LMO1: variants seen among roughly 807,000 people sequenced by gnomAD.
LMO1 encodes the protein LIM domain only 1, also known as rhombotin-1.
LMO1 carries 10 observed loss-of-function variants against 18.0 expected under a neutral mutation model. The ratio of observed to expected loss-of-function variants is 0.55; its 90% CI spans 0.34 to 0.94. The LOEUF (loss-of-function observed/expected upper bound fraction) is 0.94. Among genes scored for constraint, LMO1 ranks in the 40% least tolerant of loss-of-function variants. The pLI, the probability that LMO1 is intolerant of heterozygous loss-of-function variation, is 0.02. For missense variants in LMO1, 183 were observed against 205.7 expected (o/e 0.89, Z 0.68); for synonymous variants, 77 against 77.9 (o/e 0.99, Z 0.06).
intron 1 of LMO1, among the ~76,000 whole-genome samples, chr11:8,253,635 A>T (rs1005913662): frequency 2.6e-5 from 4 of 152,100 alleles, no homozygotes; most frequent in Non-Finnish European, 5.9e-5. Context: ...GGGGTTTTTA[A>T]AGATCGAGGG....
At chr11:8,261,410 T>C (rs1382045053) in intron 1 of LMO1, among the ~76,000 whole-genome samples, 1 of 152,158 alleles carries the variant, frequency 6.6e-6, no homozygotes, top group African/African-American at 2.4e-5. Flanking sequence ...CTGAAACCCT[T>C]TGTATTATCT....
chr11:8,264,237 C>CTT (rs55942662), upstream of LMO1, among the ~76,000 whole-genome samples: 1 of 152,018 alleles, frequency 6.6e-6, no homozygotes, highest in African/African-American at 2.4e-5. Flanking sequence ...ACGATCCTAC[C>CTT]GAGTCTTACA....
At chr11:8,255,970 C>T (rs1339472335) in intron 1 of LMO1, among the ~76,000 whole-genome samples, 1 of 151,704 alleles carries the variant, frequency 6.6e-6, no homozygotes, top group Non-Finnish European at 1.5e-5. Context: ...GGACTACAGG[C>T]GCCCGCCACC....
At chr11:8,254,119 G>A (rs1001281619) in intron 1 of LMO1, among the ~76,000 whole-genome samples, 2 of 152,110 alleles carry the variant, frequency 1.3e-5, no homozygotes, top group Non-Finnish European at 2.9e-5. Flanking sequence ...AAAAAAAAGT[G>A]GAAGGACTTA....
chr11:8,256,095 G>C (rs146740804), intron 1 of LMO1, among the ~76,000 whole-genome samples: 3,344 of 152,276 alleles, frequency 0.022, 128 homozygotes, highest in African/African-American at 0.075. Flanking sequence ...AAAGTGCTGG[G>C]ATTATAGGCG....
At chr11:8,236,019 G>T (rs1477021306) in intron 1 of LMO1, among the ~76,000 whole-genome samples, 1 of 152,166 alleles carries the variant, frequency 6.6e-6, no homozygotes, top group Non-Finnish European at 1.5e-5. Context: ...CCACCCAAAG[G>T]CCAGTCTAGT....
chr11:8,237,913 T>C (rs1952789771), intron 1 of LMO1, among the ~76,000 whole-genome samples: 4 of 152,244 alleles, frequency 2.6e-5, no homozygotes, highest in Admixed American at 2.6e-4. Context: ...ACTAACCTGC[T>C]AAATGAGGAC....
At chr11:8,240,294 G>A (rs974246812) in intron 1 of LMO1, among the ~76,000 whole-genome samples, 4 of 152,218 alleles carry the variant, frequency 2.6e-5, no homozygotes, top group Non-Finnish European at 5.9e-5. Context: ...TTTGCAGTGC[G>A]TTTTGGTGAA....
chr11:8,268,697 C>T (rs1847286659), upstream of LMO1: 2 of 263,928 alleles, frequency 7.6e-6, no homozygotes, highest in South Asian at 1.7e-4. Flanking sequence ...GGGAGCCTCG[C>T]GAGCAGCAGC....
chr11:8,245,224 T>A (rs141353729), intron 1 of LMO1, among the ~76,000 whole-genome samples: 110 of 152,278 alleles, frequency 7.2e-4, no homozygotes, highest in African/African-American at 2.3e-3. Flanking sequence ...CTTCAGAGCC[T>A]ACAACTGGCC....
intron 1 of LMO1, among the ~76,000 whole-genome samples, chr11:8,257,400 C>T (rs1296703325): frequency 2.0e-5 from 3 of 152,206 alleles, no homozygotes; most frequent in Non-Finnish European, 4.4e-5. Flanking sequence ...GTGAGTGTCC[C>T]TCAGCACCTT....
chr11:8,268,276 T>C (rs1847281244), upstream of LMO1: 1 of 531,106 alleles, frequency 1.9e-6, no homozygotes, highest in Non-Finnish European at 2.9e-6. Flanking sequence ...GCCGCCGCGC[T>C]TCCGGGAAGC....
chr11:8,235,229 A>G (rs890390510), intron 1 of LMO1, among the ~76,000 whole-genome samples: 5 of 152,164 alleles, frequency 3.3e-5, no homozygotes, highest in African/African-American at 1.2e-4. Flanking sequence ...CTTTCAGAAC[A>G]CTTGCAAGAA....
At chr11:8,236,708 C>A (rs766566695) in intron 1 of LMO1, among the ~76,000 whole-genome samples, 1 of 152,236 alleles carries the variant, frequency 6.6e-6, no homozygotes. Flanking sequence ...TGATCACACA[C>A]GTACACTAGG....
intron 1 of LMO1, among the ~76,000 whole-genome samples, chr11:8,246,532 G>A (rs1045159339): frequency 3.3e-5 from 5 of 152,244 alleles, no homozygotes; most frequent in Admixed American, 2.6e-4. Context: ...GCCAGGGAGG[G>A]AGGAATGGGG....
intron 2 of LMO1, among the ~76,000 whole-genome samples, chr11:8,229,924 T>C (rs375099777): frequency 2.8e-4 from 42 of 152,188 alleles, no homozygotes; most frequent in African/African-American, 8.9e-4. Context: ...CTTCCACACC[T>C]GTTCTCAAAG....
chr11:8,247,587 ATC>A (rs1846917177), intron 1 of LMO1, among the ~76,000 whole-genome samples: 1 of 152,242 alleles, frequency 6.6e-6, no homozygotes, highest in South Asian at 2.1e-4. Flanking sequence ...CTCAGGCCTC[ATC>A]TCCGCAGAGG....
intron 1 of LMO1, among the ~76,000 whole-genome samples, chr11:8,263,128 C>G (rs1223569511): frequency 1.3e-5 from 2 of 151,360 alleles, no homozygotes; most frequent in Admixed American, 6.6e-5. Flanking sequence ...GCGCGTGCAG[C>G]CCGGGGCTCG....
At chr11:8,231,103 C>T (rs1307919290) in intron 1 of LMO1, among the ~76,000 whole-genome samples, 1 of 152,174 alleles carries the variant, frequency 6.6e-6, no homozygotes, top group Non-Finnish European at 1.5e-5. Flanking sequence ...AGGCAGCTGG[C>T]AGGGCCTGGC....
Sources: allele counts gnomAD v4.1 joint callset (sites outside exome capture counted in the v4.1 genomes callset), GRCh38; gene constraint gnomAD v4.1.1; transcripts MANE v1.5; gene names NCBI Gene and HGNC (gene_info 2026-07-23, HGNC 2026-07-21).